Variants in LRRC7 observed in about 807,000 individuals in gnomAD.
The protein encoded by LRRC7 is leucine rich repeat containing 7.
LRRC7 carries 23 observed loss-of-function variants against 175.7 expected under a neutral mutation model. The ratio of observed to expected loss-of-function variants is 0.13; its 90% CI spans 0.09 to 0.19. LRRC7 has a LOEUF of 0.19. Among genes scored for constraint, LRRC7 ranks in the 10% least tolerant of loss-of-function variants. The probability of loss-of-function intolerance (pLI) is 1.00; values close to 1 mark genes in which losing one functional copy is unlikely to be tolerated. For synonymous variants in LRRC7, 685 were observed against 680.9 expected, an observed-to-expected ratio of 1.01 and a Z score of -0.09; for missense variants, 1,354 against 1,904.7, an observed-to-expected ratio of 0.71 and a Z score of 5.38.
intron 7 of LRRC7, among the ~76,000 whole-genome samples, chr1:69,864,134 C>T (rs1251076345): frequency 6.6e-6 from 1 of 152,118 alleles, no homozygotes; most frequent in Non-Finnish European, 1.5e-5. Flanking sequence ...CTGGCTCTGC[C>T]ATCCCTCTTA....
At position 69,925,420 on chromosome 1, in the gene LRRC7, C is replaced by T. The variant is rs1647034937; in HGVS notation, c.648-6087C>T. Among the ~76,000 whole-genome samples the T allele has an allele frequency of 2.0e-5, 3 of 152,206 alleles. No individual in the cohort carries two copies. In the South Asian group the frequency reaches 6.2e-4, roughly 32 times the overall value. ...CTCTGGTAGAATTCGGCTGTGAATC[C>T]ATCTGGTCCTGGACTCTTTTTGGTT... is the stretch of plus-strand genomic sequence containing the variant. On this transcript the variant is annotated intron_variant, in intron 7 of 26. Coordinates refer to ENST00000651989, the MANE Select transcript of LRRC7 (RefSeq NM_001370785.2).
At chr1:69,960,673 G>A (rs1156433445) in intron 8 of LRRC7, among the ~76,000 whole-genome samples, 1 of 151,232 alleles carries the variant, frequency 6.6e-6, no homozygotes, top group Non-Finnish European at 1.5e-5. Flanking sequence ...AGAGTTTCTG[G>A]TATGCGAATC....
At chr1:69,935,462 A>G (rs139128941) in intron 8 of LRRC7, among the ~76,000 whole-genome samples, 4 of 152,200 alleles carry the variant, frequency 2.6e-5, no homozygotes, top group Non-Finnish European at 5.9e-5. Context: ...CGAAATCTAG[A>G]TTCCTTATAG....
intron 2 of LRRC7, among the ~76,000 whole-genome samples, chr1:69,717,334 A>C (rs796931198): frequency 2.4e-4 from 36 of 151,864 alleles, no homozygotes; most frequent in African/African-American, 7.5e-4. Context: ...AAACCAACAG[A>C]CATTTCCTCC....
intron 3 of LRRC7, among the ~76,000 whole-genome samples, chr1:69,771,526 CA>C (rs1370111956): frequency 6.6e-6 from 1 of 152,096 alleles, no homozygotes. Flanking sequence ...ACCCAAATAT[CA>C]AATATCATTA....
At chr1:69,706,807 G>A (rs1020226136) in intron 2 of LRRC7, among the ~76,000 whole-genome samples, 1 of 152,134 alleles carries the variant, frequency 6.6e-6, no homozygotes, top group Admixed American at 6.5e-5. Context: ...TATGGCCACA[G>A]CTTCCCACCC....
intron 11 of LRRC7, among the ~76,000 whole-genome samples, chr1:70,003,947 A>G (rs1655764793): frequency 6.6e-6 from 1 of 152,178 alleles, no homozygotes; most frequent in Non-Finnish European, 1.5e-5. Flanking sequence ...TCACATTTGG[A>G]TGATATTTTT....
Position 69,575,718 on chromosome 1 carries a change from T to G in LRRC7, c.2+7077T>G, listed in dbSNP as rs755785257. On this transcript the variant is annotated intron_variant, in intron 1 of 26. Coordinates refer to ENST00000651989, the MANE Select transcript of LRRC7 (RefSeq NM_001370785.2). ...AAATGAATGTTGGATGATGAAGAAATGTTCAATTCATTTTAAATAAATAAA... is the reference window on the plus strand; with the variant it reads ...AAATGAATGTTGGATGATGAAGAAAGGTTCAATTCATTTTAAATAAATAAA... Among the ~76,000 whole-genome samples, 85 of 152,164 alleles carry G rather than the reference T, an allele frequency of 5.6e-4. 1 individual carries two copies. The highest frequency in any genetic ancestry group is 1.9e-4 in the Non-Finnish European group (13 of 68,016).
chr1:69,817,761 A>G (rs1678769792), intron 4 of LRRC7, among the ~76,000 whole-genome samples: 1 of 152,136 alleles, frequency 6.6e-6, no homozygotes, highest in Non-Finnish European at 1.5e-5. Flanking sequence ...CACTCCGTGA[A>G]TACATGATAT....
intron 11 of LRRC7, among the ~76,000 whole-genome samples, chr1:69,995,848 A>G (rs1189862203): frequency 2.6e-5 from 4 of 151,466 alleles, no homozygotes; most frequent in Admixed American, 2.6e-4. Flanking sequence ...GTTGTGAATA[A>G]TGCCGCAATA....
intron 1 of LRRC7, among the ~76,000 whole-genome samples, chr1:69,667,513 T>G (rs1658437458): frequency 1.3e-5 from 2 of 152,182 alleles, no homozygotes; most frequent in African/African-American, 4.8e-5. Flanking sequence ...TTATTTAAAA[T>G]TGTTATATTC....
At chr1:69,789,890 C>T (rs1674913150) in intron 3 of LRRC7, among the ~76,000 whole-genome samples, 1 of 151,968 alleles carries the variant, frequency 6.6e-6, no homozygotes, top group South Asian at 2.1e-4. Flanking sequence ...TAATGGCTTA[C>T]AGTTTTCATG....
intron 2 of LRRC7, among the ~76,000 whole-genome samples, chr1:69,687,370 T>C (rs1661280612): frequency 6.6e-6 from 1 of 151,080 alleles, no homozygotes; most frequent in South Asian, 2.1e-4. Flanking sequence ...ATTAGCTGGG[T>C]GTGGTGGCAC....
intron 2 of LRRC7, among the ~76,000 whole-genome samples, chr1:69,708,225 C>G (rs929617316): frequency 2.6e-5 from 4 of 152,146 alleles, no homozygotes; most frequent in African/African-American, 9.7e-5. Context: ...ATTTTCAAGT[C>G]AAGTATTTCT....
chr1:70,036,155 T>G lies in LRRC7; in HGVS notation c.2030T>G (p.Ile677Ser). 1.2e-6 allele frequency: 2 copies of G among 1,613,334 alleles called. No individual in the cohort carries two copies. Among genetic ancestry groups the G allele is most frequent in the Non-Finnish European group, 1.7e-6 (2 of 1,179,510 alleles). Reference protein sequence around the residue: ...SFVHPANEMRIGELHPSLAET... With the variant: ...SFVHPANEMRSGELHPSLAET... ...GTTCATCCAGCTAATGAAATGAGGA[T>G]TGGGGAACTTCACCCTTCATTAGCT... is the stretch of plus-strand genomic sequence containing the variant. Residue 677 changes from isoleucine (I) to serine (S), a missense_variant, in exon 19 of 27, where the codon ATT becomes AGT. Coordinates refer to ENST00000651989, the MANE Select transcript of LRRC7 (RefSeq NM_001370785.2).
chr1:70,057,551 T>C lies in LRRC7; in HGVS notation c.4230+4406T>C, dbSNP rs1661244688. 4.6e-5 allele frequency among the ~76,000 whole-genome samples: 7 copies of C among 152,050 alleles called. No homozygotes were observed. In the South Asian group the frequency reaches 1.4e-3, roughly 31 times the overall value. ...AGGAGAATAAGTGGTGAAGAATTCT[T>C]AGCCAGTGTCCAATTTGAGTCTATT... On this transcript the variant is annotated intron_variant, in intron 23 of 26. Transcript: ENST00000651989.
rs1224085833 is a variant in LRRC7, at chr1:70,127,157, G to A, written c.*5270G>A. On this transcript the variant is annotated 3_prime_UTR_variant, in exon 27 of 27. Coordinates refer to ENST00000651989, the MANE Select transcript of LRRC7 (RefSeq NM_001370785.2). ...ACAAACAAAGCCTGTGTGCAATGGT[G>A]GGGGTGGCAATGCCTTTATAAAACT... Among the ~76,000 whole-genome samples, 2 of 152,168 alleles carry A rather than the reference G, an allele frequency of 1.3e-5. No homozygotes were observed. Among genetic ancestry groups the A allele is most frequent in the East Asian group, 3.8e-4 (2 of 5,196 alleles).
chr1:69,796,566 C>T (rs1040330615), intron 4 of LRRC7, among the ~76,000 whole-genome samples: 2 of 152,102 alleles, frequency 1.3e-5, no homozygotes, highest in Non-Finnish European at 2.9e-5. Context: ...GGGCGGATCA[C>T]CTGAGGTCGG....
At chr1:69,668,968 C>T (rs1343844802) in intron 1 of LRRC7, among the ~76,000 whole-genome samples, 1 of 152,094 alleles carries the variant, frequency 6.6e-6, no homozygotes, top group East Asian at 1.9e-4. Flanking sequence ...CTGTTCATAT[C>T]CTTCACCCAC....
Sources: gnomAD v4.1 joint callset for allele counts (sites outside exome capture counted in the v4.1 genomes callset) on GRCh38, gnomAD v4.1.1 for gene constraint, MANE v1.5 for transcripts, NCBI Gene and HGNC (gene_info 2026-07-23, HGNC 2026-07-21) for gene names.